Variants in RIPOR2 observed in about 807,000 individuals in gnomAD.
RIPOR2 encodes the protein rho family-interacting cell polarization regulator 2.
In RIPOR2, 39 loss-of-function variants were observed where a neutral mutation model predicts 114.5. The ratio of observed to expected loss-of-function variants is 0.34; its 90% confidence interval spans 0.26 to 0.44. The LOEUF (loss-of-function observed/expected upper bound fraction) is 0.44, where lower values mean the gene tolerates loss of function less well. Ranked by LOEUF, RIPOR2 falls within the 20% of genes least tolerant of loss-of-function variation. RIPOR2 has a pLI of 1.00. For synonymous variants in RIPOR2, 445 were observed against 484.4 expected, an observed-to-expected ratio of 0.92 and a Z score of 1.07; for missense variants, 1,007 against 1,255.1, an observed-to-expected ratio of 0.80 and a Z score of 2.99.
At chr6:24,882,891 T>G (rs893173709) in intron 1 of RIPOR2, among the ~76,000 whole-genome samples, 1 of 152,150 alleles carries the variant, frequency 6.6e-6, no homozygotes, top group African/African-American at 2.4e-5. Context: ...AGAGGAAAAC[T>G]AATGAGTCCG....
intron 1 of RIPOR2, among the ~76,000 whole-genome samples, chr6:24,980,788 T>C (rs1336422276): frequency 6.6e-6 from 1 of 152,194 alleles, no homozygotes; most frequent in Admixed American, 6.5e-5. Context: ...CATCAGAGGC[T>C]TCCTCTGGCC....
chr6:25,026,292 A>G (rs1351821638), intron 1 of RIPOR2, among the ~76,000 whole-genome samples: 1 of 152,232 alleles, frequency 6.6e-6, no homozygotes, highest in East Asian at 1.9e-4. Flanking sequence ...AGATATTTAT[A>G]TAGGTATACC....
In RIPOR2 at chr6:24,865,325, A is replaced by G. The variant is rs1169690730; in HGVS notation, c.627T>C (p.Asn209=). The change falls in exon 7 of 22, where the codon AAT becomes AAC. Residue 209 remains asparagine (N), a synonymous_variant. Coordinates refer to ENST00000643898, the MANE Select transcript of RIPOR2 (RefSeq NM_001286445.3). ...KAARESLTEI[N]RSFKEYTENM... ...CCTCTGTGTACTCCTTGAAGCTCCG[A>G]TTGATCTCTGTCAGACTCTCCCGGG... 2.5e-6 allele frequency: 4 copies of G among 1,613,102 alleles called. No individual in the cohort carries two copies. Among genetic ancestry groups the G allele is most frequent in the Admixed American group, 1.7e-5 (1 of 59,890 alleles).
At chr6:25,024,144 C>G (rs993656441) in intron 1 of RIPOR2, 13 of 1,031,846 alleles carry the variant, frequency 1.3e-5, no homozygotes, top group Non-Finnish European at 1.8e-5. Flanking sequence ...GGTGGCGCCG[C>G]GGGACACCCC....
At chr6:24,884,549 C>T (rs1413518416) in intron 1 of RIPOR2, among the ~76,000 whole-genome samples, 2 of 152,158 alleles carry the variant, frequency 1.3e-5, no homozygotes, top group Admixed American at 6.5e-5. Context: ...CTGACGTGAA[C>T]GGATGAAAAA....
At chr6:24,840,681 C>T (rs1156905571) in intron 13 of RIPOR2, 14 of 1,534,546 alleles carry the variant, frequency 9.1e-6, no homozygotes, top group Admixed American at 2.0e-5. Flanking sequence ...AAACGTCTTT[C>T]GGTCTTTTAA....
chr6:24,995,963 C>T (rs1417177064), intron 1 of RIPOR2, among the ~76,000 whole-genome samples: 9 of 152,034 alleles, frequency 5.9e-5, no homozygotes, highest in Admixed American at 5.2e-4. Flanking sequence ...CCACCACACC[C>T]GGCTAATTTT....
chr6:25,032,766 C>G (rs906879649), intron 1 of RIPOR2, among the ~76,000 whole-genome samples: 3 of 152,168 alleles, frequency 2.0e-5, no homozygotes, highest in African/African-American at 7.2e-5. Context: ...TTAAGTGGTT[C>G]AGATTAGATA....
intron 1 of RIPOR2, among the ~76,000 whole-genome samples, chr6:25,027,281 G>C (rs1255534774): frequency 6.6e-6 from 1 of 152,106 alleles, no homozygotes; most frequent in Non-Finnish European, 1.5e-5. Context: ...CCCAAGCATC[G>C]AGAAGCGAAG....
chr6:24,892,011 G>A (rs910646500), intron 1 of RIPOR2, among the ~76,000 whole-genome samples: 12 of 151,920 alleles, frequency 7.9e-5, no homozygotes, highest in African/African-American at 1.9e-4. Flanking sequence ...GGTGCGTGCC[G>A]CCACCCCCAG....
chr6:24,874,549 A>G (rs9467341), intron 2 of RIPOR2, among the ~76,000 whole-genome samples: 1,524 of 152,338 alleles, frequency 0.01, 23 homozygotes, highest in African/African-American at 0.035. Flanking sequence ...TCTGTTGGGC[A>G]GAGGCTACCT....
intron 1 of RIPOR2, among the ~76,000 whole-genome samples, chr6:24,944,019 G>C (rs1020822974): frequency 6.6e-6 from 1 of 152,110 alleles, no homozygotes; most frequent in Non-Finnish European, 1.5e-5. Flanking sequence ...GCAAACAATA[G>C]GCTTAACAAA....
chr6:24,826,494 AT>A (rs10624769), intron 18 of RIPOR2, among the ~76,000 whole-genome samples: 5,646 of 148,138 alleles, frequency 0.038, 317 homozygotes, highest in African/African-American at 0.12. Context: ...ATTTATTTAG[AT>A]TTTTTTTTTT....
At chr6:24,859,759 A>T (rs138210510) in intron 8 of RIPOR2, among the ~76,000 whole-genome samples, 24 of 152,260 alleles carry the variant, frequency 1.6e-4, no homozygotes, top group Non-Finnish European at 2.5e-4. Flanking sequence ...CTCCTGAGTT[A>T]GATGATTCAT....
intron 1 of RIPOR2, among the ~76,000 whole-genome samples, chr6:24,932,244 G>C (rs1376711276): frequency 6.6e-6 from 1 of 152,086 alleles, no homozygotes; most frequent in African/African-American, 2.4e-5. Context: ...CTCCAGGAAA[G>C]ATTAAGCCTA....
chr6:24,806,419 A>C lies in RIPOR2; in HGVS notation c.3098T>G (p.Val1033Gly). 1.9e-6 allele frequency: 3 copies of C among 1,551,858 alleles called. No individual in the cohort carries two copies. In the South Asian group the frequency reaches 3.6e-5, roughly 18 times the overall value. The change falls in exon 22 of 22, where the codon GTT becomes GGT. Residue 1033 changes from valine to glycine, a missense_variant. By Grantham distance (109) the Val-to-Gly change is moderately radical (BLOSUM62 -3). Coordinates refer to ENST00000643898, the MANE Select transcript of RIPOR2 (RefSeq NM_001286445.3). Reference sequence around the variant, plus strand: ...AGTTCCATGACGACCTCCGACTTTAACACAGTCTCGAGGAAATTTGTCCAA... The same window carrying C: ...AGTTCCATGACGACCTCCGACTTTACCACAGTCTCGAGGAAATTTGTCCAA... ...EQLDKFPRDC[V>G]KVGGRHGTEV...
In RIPOR2 at chr6:25,022,749, T is replaced by C. The variant is rs1445289306; in HGVS notation, c.76+19102A>G. On this transcript the variant is annotated intron_variant, in intron 1 of 13. Coordinates refer to the RIPOR2 transcript ENST00000510784. ...TTTGTAGAGATAGAGTCCCACTATG[T>C]TGTCCAGGCTGGTCTTGAACTCATG... is the stretch of plus-strand genomic sequence containing the variant. Among the ~76,000 whole-genome samples the C allele has an allele frequency of 2.0e-5, 3 of 151,776 alleles. No homozygotes were observed. In the East Asian group the frequency reaches 5.8e-4, roughly 29 times the overall value.
intron 15 of RIPOR2, among the ~76,000 whole-genome samples, 158 bp downstream of exon 15, chr6:24,835,545 G>A (rs926480272): frequency 7.9e-5 from 12 of 152,156 alleles, no homozygotes; most frequent in Non-Finnish European, 7.3e-5. Context: ...TAGAGGGATG[G>A]GCAGGCCCAT....
chr6:24,835,269 G>T (rs898690462), intron 15 of RIPOR2, among the ~76,000 whole-genome samples: 1 of 152,222 alleles, frequency 6.6e-6, no homozygotes, highest in Non-Finnish European at 1.5e-5. Context: ...AGGTCCAGGA[G>T]ACTGTGGTTA....
Sources: gnomAD v4.1 joint callset for allele counts (sites outside exome capture counted in the v4.1 genomes callset) on GRCh38, gnomAD v4.1.1 for gene constraint, MANE v1.5 for transcripts, NCBI Gene and HGNC (gene_info 2026-07-23, HGNC 2026-07-21) for gene names.